ARAP2: variants seen among roughly 807,000 people sequenced by gnomAD.
ARAP2 encodes ArfGAP with RhoGAP domain, ankyrin repeat and PH domain 2, also known as arf-GAP with Rho-GAP domain, ANK repeat and PH domain-containing protein 2.
In ARAP2, 148 loss-of-function variants were observed where a neutral mutation model predicts 194.5. That is an observed-to-expected ratio of 0.76 (90% CI 0.67 to 0.87). The LOEUF (loss-of-function observed/expected upper bound fraction) is 0.87. Ranked by LOEUF, ARAP2 falls within the 40% of genes least tolerant of loss-of-function variation. The pLI, the probability that ARAP2 is intolerant of heterozygous loss-of-function variation, is 0.00. For synonymous variants in ARAP2, 695 were observed against 683.5 expected (o/e 1.02, Z -0.26); for missense variants, 2,128 against 1,989.7 (o/e 1.07, Z -1.32).
At chr4:36,154,822 G>A (rs1337708696) in intron 15 of ARAP2, among the ~76,000 whole-genome samples, 2 of 152,178 alleles carry the variant, frequency 1.3e-5, no homozygotes, top group Non-Finnish European at 2.9e-5. Flanking sequence ...TAGCATCCAG[G>A]TGCTTGCTTT....
intron 9 of ARAP2, among the ~76,000 whole-genome samples, chr4:36,011,979 G>T (rs1257065544): frequency 6.6e-6 from 1 of 152,088 alleles, no homozygotes; most frequent in Non-Finnish European, 1.5e-5. Flanking sequence ...GGATGTGTTA[G>T]ATTTATCAAT....
intron 1 of ARAP2, among the ~76,000 whole-genome samples, chr4:36,236,679 T>C (rs1752517052): frequency 6.6e-6 from 1 of 152,168 alleles, no homozygotes; most frequent in Non-Finnish European, 1.5e-5. Context: ...TCCATAACAA[T>C]AAGAGCTGGC....
At chr4:36,235,129 G>T in intron 1 of ARAP2, among the ~76,000 whole-genome samples, 1 of 152,050 alleles carries the variant, frequency 6.6e-6, no homozygotes, top group East Asian at 1.9e-4. Flanking sequence ...TCACATCCTA[G>T]CCTAAGCCAC....
chr4:36,144,827 CCT>C (rs779794012), intron 19 of ARAP2, among the ~76,000 whole-genome samples: 5 of 151,924 alleles, frequency 3.3e-5, no homozygotes, highest in East Asian at 1.9e-4. Context: ...CTCTGCCACC[CCT>C]GAGACAGCAT....
At chr4:36,234,576 A>T (rs1560737414) in intron 1 of ARAP2, among the ~76,000 whole-genome samples, 1 of 152,072 alleles carries the variant, frequency 6.6e-6, no homozygotes, top group African/African-American at 2.4e-5. Flanking sequence ...AATACAGACA[A>T]CTTGTGTTGA....
intron 8 of ARAP2, among the ~76,000 whole-genome samples, chr4:36,184,004 A>G (rs576281710): frequency 6.6e-6 from 1 of 152,282 alleles, no homozygotes; most frequent in East Asian, 1.9e-4. Context: ...CTAAACTTTA[A>G]TTTTGCTTCT....
At chr4:36,042,194 A>G (rs1368316451) in intron 5 of ARAP2, among the ~76,000 whole-genome samples, 1 of 152,202 alleles carries the variant, frequency 6.6e-6, no homozygotes. Context: ...AAAAACAGAC[A>G]AAAAGAATAG....
chr4:36,160,283 A>T, intron 13 of ARAP2, 176 bp downstream of exon 13: 22 of 1,216,970 alleles, frequency 1.8e-5, no homozygotes, highest in Non-Finnish European at 2.2e-5. Context: ...CTCTTTTGAC[A>T]ATGAATCCTT....
At position 36,150,805 on chromosome 4, in the gene ARAP2, C is replaced by T. The variant is rs557009485; in HGVS notation, c.2897+95G>A. 130 of 1,345,724 alleles carry T rather than the reference C, an allele frequency of 9.7e-5. No individual in the cohort carries two copies. The African/African-American group carries it at 1.7e-3, about 17-fold the overall frequency. The allele number at this position is 1,345,724 out of a possible 1,614,324, so 83.4% of individuals were successfully genotyped here. On this transcript the variant is annotated intron_variant, in intron 16 of 32. Coordinates refer to ENST00000303965, the MANE Select transcript of ARAP2 (RefSeq NM_015230.4). The stretch of plus-strand genomic sequence containing the variant: ...AACCATTCAACCCTTCTATTAGAAG[C>T]AACTAAAGAACTAAAATGATAACAA...
chr4:36,155,657 T>A (rs1461148667), intron 15 of ARAP2, among the ~76,000 whole-genome samples: 1 of 151,696 alleles, frequency 6.6e-6, no homozygotes, highest in Non-Finnish European at 1.5e-5. Flanking sequence ...ATTTATTTTT[T>A]TTTTTATTTT....
chr4:36,064,285 G>A (rs190343455), downstream of ARAP2, among the ~76,000 whole-genome samples: 1 of 151,164 alleles, frequency 6.6e-6, no homozygotes, highest in Non-Finnish European at 1.5e-5. Flanking sequence ...TGGTTGTGGA[G>A]GAATTCTCCT....
intron 31 of ARAP2, among the ~76,000 whole-genome samples, chr4:36,079,850 C>T (rs574203839): frequency 1.9e-3 from 293 of 152,058 alleles, no homozygotes; most frequent in African/African-American, 5.8e-3. Context: ...AGTGGGAGAA[C>T]AAGAAGGGAA....
At chr4:36,207,079 G>A (rs1745694313) in intron 6 of ARAP2, among the ~76,000 whole-genome samples, 2 of 152,196 alleles carry the variant, frequency 1.3e-5, no homozygotes, top group Non-Finnish European at 2.9e-5. Context: ...TCTCCTCGAA[G>A]AGGCACAGCC....
chr4:36,189,362 G>T (rs938167005), intron 7 of ARAP2, among the ~76,000 whole-genome samples: 6 of 152,082 alleles, frequency 3.9e-5, no homozygotes, highest in African/African-American at 9.7e-5. Flanking sequence ...ACCAGAAGAG[G>T]TAACAAGCAT....
At position 36,066,810 on chromosome 4, in the gene ARAP2, TAG is replaced by T. The variant is rs1725572651; in HGVS notation, c.*1095_*1096del. 2.0e-5 allele frequency: 3 copies of T among 151,988 alleles called. No individual in the cohort carries two copies. The South Asian group carries it at 6.2e-4, about 32-fold the overall frequency. 9.4% of individuals were successfully genotyped at this position (151,988 alleles called of 1,614,324 possible). On this transcript the variant is annotated 3_prime_UTR_variant, in exon 33 of 33. Transcript: ENST00000303965. ...TTACTTAAAAAAAGAAAAAAAAACC[TAG>T]ATTAAATGTGACCAGGTAGCCCCCA...
At chr4:36,124,668 T>G (rs756502352) in intron 22 of ARAP2, among the ~76,000 whole-genome samples, 194 bp downstream of exon 22, 22 of 151,876 alleles carry the variant, frequency 1.4e-4, no homozygotes, top group Non-Finnish European at 2.4e-4. Flanking sequence ...TCAGATGCAT[T>G]TGAGGACACT....
intron 27 of ARAP2, among the ~76,000 whole-genome samples, chr4:36,093,477 C>T (rs1430257411): frequency 6.6e-6 from 1 of 152,042 alleles, no homozygotes; most frequent in African/African-American, 2.4e-5. Context: ...ACCTATTAGA[C>T]ATCCACACAT....
Position 36,229,217 on chromosome 4 carries a change from T to TG in ARAP2, c.269dup (p.Asp92GlyfsTer8), listed in dbSNP as rs766077618. ...CAGAAGATGGAACATGGTAATCCTTTGAAGGGTCATCATTCTTCTTAGTTT... is the reference window on the plus strand; with the variant it reads ...CAGAAGATGGAACATGGTAATCCTTTGGAAGGGTCATCATTCTTCTTAGTTT... On this transcript the variant is annotated frameshift_variant, in exon 2 of 33. Transcript: ENST00000303965. LOFTEE classifies it high-confidence loss of function. 19 of 1,614,008 alleles carry TG rather than the reference T, an allele frequency of 1.2e-5. No homozygotes were observed. The highest frequency in any genetic ancestry group is 1.6e-5 in the Non-Finnish European group (19 of 1,179,992).
chr4:36,112,982 G>A (rs1720409664), intron 26 of ARAP2, among the ~76,000 whole-genome samples: 1 of 151,926 alleles, frequency 6.6e-6, no homozygotes, highest in Non-Finnish European at 1.5e-5. Context: ...GGATGTTGCA[G>A]CAAGGAAAAC....
Sources: allele counts gnomAD v4.1 joint callset (sites outside exome capture counted in the v4.1 genomes callset), GRCh38; gene constraint gnomAD v4.1.1; transcripts MANE v1.5; gene names NCBI Gene and HGNC (gene_info 2026-07-23, HGNC 2026-07-21).